GALNTL6: variants seen among roughly 807,000 people sequenced by gnomAD.
GALNTL6 encodes polypeptide N-acetylgalactosaminyltransferase like 6.
Under a neutral mutation model 73.7 loss-of-function variants are expected in GALNTL6, and 46 were observed. The observed-to-expected ratio is 0.62, with a 90% CI of 0.49 to 0.80. The LOEUF is 0.80. Ranked by LOEUF, GALNTL6 falls within the 30% of genes least tolerant of loss-of-function variation. GALNTL6 has a pLI of 0.00. For missense variants in GALNTL6, 604 were observed against 755.0 expected (o/e 0.80, Z 2.34); for synonymous variants, 259 against 263.7 (o/e 0.98, Z 0.17).
Position 172,976,400 on chromosome 4 carries a change from T to G in GALNTL6, c.1371+24142T>G, listed in dbSNP as rs957162597. Among the ~76,000 whole-genome samples the G allele has an allele frequency of 2.6e-5, 4 of 152,296 alleles. No individual in the cohort carries two copies. In the East Asian group the frequency reaches 5.8e-4, roughly 22 times the overall value. ...CATAGAAGTCACATAACTGCAAGAT[T>G]TAAGCATGTGTCTAAGGCAGGGCTT... On this transcript the variant is annotated intron_variant, in intron 10 of 12. Transcript: ENST00000506823.
At chr4:171,929,200 G>A (rs1230887947) in intron 2 of GALNTL6, among the ~76,000 whole-genome samples, 3 of 151,976 alleles carry the variant, frequency 2.0e-5, no homozygotes, top group Non-Finnish European at 4.4e-5. Flanking sequence ...CCAAGTAGCT[G>A]GGACTAGAGG....
chr4:172,674,843 G>A (rs1204823262), intron 5 of GALNTL6, among the ~76,000 whole-genome samples: 1 of 152,078 alleles, frequency 6.6e-6, no homozygotes, highest in Non-Finnish European at 1.5e-5. Flanking sequence ...CTGCTTTTCT[G>A]TACTGTCTAT....
chr4:172,230,571 C>T (rs544348470), intron 3 of GALNTL6, among the ~76,000 whole-genome samples: 2 of 149,962 alleles, frequency 1.3e-5, no homozygotes, highest in Non-Finnish European at 3.0e-5. Context: ...TAGAGTGAGA[C>T]TCCGTTTCAA....
intron 5 of GALNTL6, among the ~76,000 whole-genome samples, chr4:172,495,894 G>C (rs1166337506): frequency 6.6e-6 from 1 of 152,178 alleles, no homozygotes; most frequent in Admixed American, 6.5e-5. Flanking sequence ...AAATGTGGTG[G>C]TGAAATATCC....
chr4:172,135,503 G>A (rs1450755037), intron 2 of GALNTL6, among the ~76,000 whole-genome samples: 1 of 151,976 alleles, frequency 6.6e-6, no homozygotes, highest in African/African-American at 2.4e-5. Context: ...TCTACTAATT[G>A]AGAATTAGTA....
At chr4:172,392,076 C>A (rs986610558) in intron 5 of GALNTL6, among the ~76,000 whole-genome samples, 5 of 152,030 alleles carry the variant, frequency 3.3e-5, no homozygotes, top group Non-Finnish European at 7.4e-5. Context: ...GCAACCTCTG[C>A]CTCCTGGGTT....
At chr4:172,440,459 T>C (rs1289593348) in intron 5 of GALNTL6, among the ~76,000 whole-genome samples, 1 of 151,958 alleles carries the variant, frequency 6.6e-6, no homozygotes, top group African/African-American at 2.4e-5. Context: ...TAAAAAGATA[T>C]ATGGTTGCTG....
At chr4:173,000,085 T>A (rs1751978762) in intron 10 of GALNTL6, among the ~76,000 whole-genome samples, 1 of 152,146 alleles carries the variant, frequency 6.6e-6, no homozygotes, top group Non-Finnish European at 1.5e-5. Context: ...TATGAAACAT[T>A]AACATCTATT....
intron 5 of GALNTL6, among the ~76,000 whole-genome samples, chr4:172,608,206 A>G (rs1206888593): frequency 6.6e-6 from 1 of 152,012 alleles, no homozygotes; most frequent in Non-Finnish European, 1.5e-5. Flanking sequence ...CTCTTTTCCA[A>G]GGCTTATGTC....
intron 5 of GALNTL6, among the ~76,000 whole-genome samples, chr4:172,658,149 C>CAA (rs58279803): frequency 0.088 from 440 of 5,012 alleles, 48 homozygotes; most frequent in South Asian, 0.31. Context: ...GACTCCGTCT[C>CAA]AAAAAAAAAA....
At chr4:172,206,570 T>C (rs1736115544) in intron 2 of GALNTL6, among the ~76,000 whole-genome samples, 1 of 152,020 alleles carries the variant, frequency 6.6e-6, no homozygotes, top group African/African-American at 2.4e-5. Context: ...CAATAGATAG[T>C]GACAGAGGGC....
intron 5 of GALNTL6, among the ~76,000 whole-genome samples, chr4:172,703,891 A>C (rs1734175566): frequency 6.6e-6 from 1 of 151,888 alleles, no homozygotes; most frequent in Non-Finnish European, 1.5e-5. Flanking sequence ...TGGTCTGTTT[A>C]GTTGTTCTGT....
chr4:172,530,189 T>C (rs1041416474), intron 5 of GALNTL6, among the ~76,000 whole-genome samples: 8 of 152,162 alleles, frequency 5.3e-5, no homozygotes, highest in African/African-American at 1.4e-4. Flanking sequence ...CTTACCCACA[T>C]TGATATTCCA....
chr4:171,912,676 C>A (rs1737509635), intron 2 of GALNTL6, among the ~76,000 whole-genome samples: 1 of 151,988 alleles, frequency 6.6e-6, no homozygotes, highest in African/African-American at 2.4e-5. Context: ...TTTACCTGGT[C>A]CCCAACTTTT....
At chr4:172,402,819 T>G (rs904725130) in intron 5 of GALNTL6, among the ~76,000 whole-genome samples, 2 of 152,006 alleles carry the variant, frequency 1.3e-5, no homozygotes, top group African/African-American at 4.8e-5. Context: ...AAGTTGAGGG[T>G]GAAAAGGAAC....
At chr4:171,987,580 A>G (rs961904269) in intron 2 of GALNTL6, among the ~76,000 whole-genome samples, 2 of 152,190 alleles carry the variant, frequency 1.3e-5, no homozygotes, top group Non-Finnish European at 1.5e-5. Flanking sequence ...CCCGAGCTTG[A>G]TGTGTAGGGA....
rs993125625 is a variant in GALNTL6 at position 172,380,087 on chromosome 4, C to T, written c.553+31398C>T. On this transcript the variant is annotated intron_variant, in intron 5 of 12. Transcript: ENST00000506823. ...GCTCTAGCTGTTTATATGGCTTGGGCTTCGTTGGTGTTTCCACTGCTCCTC... is the reference window on the plus strand; with the variant it reads ...GCTCTAGCTGTTTATATGGCTTGGGTTTCGTTGGTGTTTCCACTGCTCCTC... 13 of 976,432 alleles carry T rather than the reference C, an allele frequency of 1.3e-5. No homozygotes were observed. In the African/African-American group the frequency reaches 1.4e-4, roughly 11 times the overall value. 60.5% of individuals were successfully genotyped at this position (976,432 alleles called of 1,614,324 possible).
At chr4:172,632,819 C>T (rs554983940) in intron 5 of GALNTL6, among the ~76,000 whole-genome samples, 24 of 152,344 alleles carry the variant, frequency 1.6e-4, no homozygotes, top group Middle Eastern at 3.4e-3. Context: ...GGGACTCCTG[C>T]TCCATGCAGC....
chr4:172,139,752 T>C (rs981865883), intron 2 of GALNTL6, among the ~76,000 whole-genome samples: 1 of 152,192 alleles, frequency 6.6e-6, no homozygotes, highest in African/African-American at 2.4e-5. Flanking sequence ...AAATAGATCA[T>C]GTCCCCCTCA....
Sources: allele counts gnomAD v4.1 joint callset (sites outside exome capture counted in the v4.1 genomes callset), GRCh38; gene constraint gnomAD v4.1.1; transcripts MANE v1.5; gene names NCBI Gene and HGNC (gene_info 2026-07-23, HGNC 2026-07-21).